Variants in CLIP2 observed in about 807,000 individuals in gnomAD.
The protein encoded by CLIP2 is CAP-Gly domain containing linker protein 2.
A neutral mutation model predicts 111.7 loss-of-function variants in CLIP2; 41 were observed. The observed-to-expected ratio is 0.37, with a 90% CI of 0.29 to 0.48. CLIP2 has a LOEUF of 0.48. CLIP2 is among the 20% of genes least tolerant of loss of function. CLIP2 has a pLI of 0.99. For synonymous variants in CLIP2, 660 were observed against 644.2 expected (o/e 1.02, Z -0.37); for missense variants, 1,160 against 1,422.1 (o/e 0.82, Z 2.96).
intron 1 of CLIP2, among the ~76,000 whole-genome samples, chr7:74,311,941 G>GA (rs1788651340): frequency 1.3e-5 from 2 of 148,562 alleles, no homozygotes; most frequent in Non-Finnish European, 3.0e-5. Flanking sequence ...AAGAAAGAAA[G>GA]AAAAAGAAAA....
intron 1 of CLIP2, among the ~76,000 whole-genome samples, chr7:74,317,103 C>A (rs1218683522): frequency 6.6e-6 from 1 of 152,128 alleles, no homozygotes; most frequent in South Asian, 2.1e-4. Flanking sequence ...AAACATCTTT[C>A]AATTGTAATA....
intron 8 of CLIP2, among the ~76,000 whole-genome samples, chr7:74,370,155 C>CA (rs536133070): frequency 0.11 from 3,705 of 32,864 alleles, 333 homozygotes; most frequent in East Asian, 0.36. Context: ...GACTCTGCCT[C>CA]AAAAAAAAAA....
chr7:74,337,937 C>G (rs1789523687), intron 2 of CLIP2, among the ~76,000 whole-genome samples: 1 of 152,096 alleles, frequency 6.6e-6, no homozygotes, highest in African/African-American at 2.4e-5. Flanking sequence ...TGGGGACGCT[C>G]TGGAGGGCTG....
intron 3 of CLIP2, among the ~76,000 whole-genome samples, chr7:74,351,796 A>G (rs1315640297): frequency 2.6e-5 from 4 of 152,330 alleles, no homozygotes; most frequent in South Asian, 4.1e-4. Context: ...AGATCGCGTC[A>G]TTGCACTCCA....
At chr7:74,372,320 G>A (rs554877310) in intron 8 of CLIP2, among the ~76,000 whole-genome samples, 1 of 151,572 alleles carries the variant, frequency 6.6e-6, no homozygotes, top group Admixed American at 6.6e-5. Flanking sequence ...AAGGAGGCTG[G>A]GGCCAAGAGG....
At chr7:74,330,589 C>G (rs372588001) in intron 2 of CLIP2, among the ~76,000 whole-genome samples, 1 of 151,924 alleles carries the variant, frequency 6.6e-6, no homozygotes, top group African/African-American at 2.4e-5. Context: ...TTTTGTTGTT[C>G]CCTATTCCTC....
Position 74,338,194 on chromosome 7 carries a change from C to G in CLIP2, c.122-254C>G, listed in dbSNP as rs140696003. On this transcript the variant is annotated intron_variant, in intron 2 of 16. Coordinates refer to ENST00000223398, the MANE Select transcript of CLIP2 (RefSeq NM_003388.5). The surrounding 1 kb of genome is among the most constrained non-coding windows in gnomAD (Gnocchi z 4.3). The stretch of plus-strand genomic sequence containing the variant: ...TCTAGTCTGGGTGACAGAGCAAGAC[C>G]CTGTCTCAAAAAGTAAATAAACAGG... Among the ~76,000 whole-genome samples, 1,595 of 135,000 alleles carry G rather than the reference C, an allele frequency of 0.012. 11 individuals are homozygous for G. Among genetic ancestry groups the G allele is most frequent in the Non-Finnish European group, 0.017 (1,040 of 59,866 alleles). The allele number at this position is 135,000 out of a possible 152,430, so 88.6% of individuals were successfully genotyped here.
chr7:74,354,162 G>A (rs1554308071), intron 4 of CLIP2, among the ~76,000 whole-genome samples, 158 bp downstream of exon 4: 1 of 152,176 alleles, frequency 6.6e-6, no homozygotes, highest in East Asian at 1.9e-4. Context: ...AGCCCACTAA[G>A]CTGGGTAGTG....
intron 2 of CLIP2, among the ~76,000 whole-genome samples, chr7:74,335,131 C>T (rs978674017): frequency 2.6e-5 from 4 of 152,044 alleles, no homozygotes; most frequent in Admixed American, 2.6e-4. Context: ...AATAGCCCAG[C>T]GTGGTGGTGC....
intron 10 of CLIP2, among the ~76,000 whole-genome samples, chr7:74,379,405 C>T (rs1554313524): frequency 6.6e-6 from 1 of 151,736 alleles, no homozygotes; most frequent in Non-Finnish European, 1.5e-5. Context: ...TCCCCATGTT[C>T]AGAGGTTTAG....
At chr7:74,353,246 G>A (rs998661970) in intron 3 of CLIP2, among the ~76,000 whole-genome samples, 3 of 150,020 alleles carry the variant, frequency 2.0e-5, no homozygotes, top group South Asian at 2.1e-4. Context: ...TAATTCTCAC[G>A]AAAACCCTTT....
intron 14 of CLIP2, among the ~76,000 whole-genome samples, chr7:74,398,543 C>G (rs1791526270): frequency 6.6e-6 from 1 of 152,178 alleles, no homozygotes; most frequent in Non-Finnish European, 1.5e-5. Context: ...TTGGGCTCAG[C>G]CACTGTAGAG....
intron 6 of CLIP2, among the ~76,000 whole-genome samples, chr7:74,359,224 C>T (rs542076995): frequency 3.0e-4 from 46 of 151,816 alleles, no homozygotes; most frequent in Admixed American, 2.6e-3. Context: ...CCGCCTCGGC[C>T]TCCCAGTGTA....
intron 1 of CLIP2, among the ~76,000 whole-genome samples, chr7:74,306,561 T>C (rs1788493501): frequency 6.6e-6 from 1 of 152,050 alleles, no homozygotes; most frequent in Non-Finnish European, 1.5e-5. Context: ...GCCGGGGCCC[T>C]GATTGGCAGA....
At chr7:74,358,268 C>T (rs971545665) in intron 6 of CLIP2, among the ~76,000 whole-genome samples, 3 of 151,948 alleles carry the variant, frequency 2.0e-5, no homozygotes, top group Admixed American at 2.0e-4. Flanking sequence ...TCAGGCTGGC[C>T]TGGAATTCCT....
At chr7:74,303,076 C>T (rs555305230) in intron 1 of CLIP2, among the ~76,000 whole-genome samples, 1 of 152,300 alleles carries the variant, frequency 6.6e-6, no homozygotes, top group South Asian at 2.1e-4. Flanking sequence ...CCCATCAGCT[C>T]TCCCAGGCCT....
intron 1 of CLIP2, among the ~76,000 whole-genome samples, chr7:74,304,548 G>GA (rs1788424300): frequency 7.5e-6 from 1 of 132,654 alleles, no homozygotes; most frequent in African/African-American, 2.6e-5. Flanking sequence ...GACAGAGGGA[G>GA]ACTCTGACAA....
At chr7:74,346,142 C>A (rs1168431670) in intron 3 of CLIP2, among the ~76,000 whole-genome samples, 1 of 151,968 alleles carries the variant, frequency 6.6e-6, no homozygotes, top group Non-Finnish European at 1.5e-5. Context: ...CCACACCCAG[C>A]TAATTTCTTA....
At chr7:74,357,521 C>A in intron 6 of CLIP2, 44 bp downstream of exon 6, 1 of 1,554,714 alleles carries the variant, frequency 6.4e-7, no homozygotes, top group Non-Finnish European at 8.8e-7. Flanking sequence ...TCCAGCCAGC[C>A]TCATAGAGTC....
Sources: gnomAD v4.1 joint callset for allele counts (sites outside exome capture counted in the v4.1 genomes callset) on GRCh38, gnomAD v4.1.1 for gene constraint, Gnocchi (gnomAD v3.1) non-coding constraint, MANE v1.5 for transcripts, NCBI Gene and HGNC (gene_info 2026-07-23, HGNC 2026-07-21) for gene names.